NME9: variants seen among roughly 807,000 people sequenced by gnomAD.
NME9 encodes the protein NME/NM23 family member 9.
In NME9, 48 loss-of-function variants were observed where a neutral mutation model predicts 44.4. The ratio of observed to expected loss-of-function variants is 1.08; its 90% CI spans 0.86 to 1.37. NME9 has a LOEUF of 1.37. Among genes scored for constraint, NME9 ranks in the 40% most tolerant of loss-of-function variants. The pLI is 0.00. For missense variants in NME9, 325 were observed against 405.2 expected (o/e 0.80, Z 1.70); for synonymous variants, 139 against 147.1 (o/e 0.94, Z 0.40).
rs1450332897 is a variant in NME9, at chr3:138,301,237, C to T, written c.*403G>A. On this transcript the variant is annotated 3_prime_UTR_variant, in exon 11 of 11. Transcript: ENST00000333911. Reference sequence around the variant, plus strand: ...TTATTATTATTAAGATGGAGTCTCACTCTGTCACCCAGGCTGGAGTGCAGT... The same window carrying T: ...TTATTATTATTAAGATGGAGTCTCATTCTGTCACCCAGGCTGGAGTGCAGT... 1.7e-6 allele frequency: 1 copy of T among 580,814 alleles called. No individual in the cohort carries two copies. The highest frequency in any genetic ancestry group is 5.9e-5 in the Admixed American group (1 of 17,086). The allele number at this position is 580,814 out of a possible 1,614,324, so 36.0% of individuals were successfully genotyped here.
chr3:138,324,226 G>A (rs2053637578), intron 2 of NME9: 1 of 324,560 alleles, frequency 3.1e-6, no homozygotes, highest in Non-Finnish European at 6.1e-6. Flanking sequence ...TCTGCCAACA[G>A]CCACACAAAA....
chr3:138,311,181 A>C (rs1239569781), intron 6 of NME9, among the ~76,000 whole-genome samples: 1 of 152,208 alleles, frequency 6.6e-6, no homozygotes, highest in African/African-American at 2.4e-5. Flanking sequence ...CAGTCTACCA[A>C]GATTGAACCA....
chr3:138,312,553 T>C (rs2052773432), intron 6 of NME9, among the ~76,000 whole-genome samples: 1 of 152,192 alleles, frequency 6.6e-6, no homozygotes, highest in South Asian at 2.1e-4. Context: ...AATAACCATA[T>C]GCAGAAGAAT....
intron 6 of NME9, among the ~76,000 whole-genome samples, chr3:138,313,220 G>A (rs970731769): frequency 1.3e-5 from 2 of 152,134 alleles, no homozygotes; most frequent in Admixed American, 1.3e-4. Flanking sequence ...GCGAAATCCA[G>A]TCTCTACTAA....
intron 8 of NME9, chr3:138,264,093 T>C (rs2048019504): frequency 3.2e-6 from 5 of 1,575,518 alleles, no homozygotes; most frequent in Non-Finnish European, 4.4e-6. Context: ...GTAAAAGTTT[T>C]GATTTCTTGT....
intron 8 of NME9, among the ~76,000 whole-genome samples, chr3:138,292,611 G>T (rs892214943): frequency 8.5e-5 from 13 of 152,172 alleles, no homozygotes; most frequent in Non-Finnish European, 1.5e-4. Flanking sequence ...TGGACAGAGG[G>T]TGTTGCCATA....
intron 2 of NME9, 141 bp downstream of exon 2, chr3:138,324,732 A>AT: frequency 8.1e-6 from 5 of 618,990 alleles, no homozygotes; most frequent in South Asian, 3.7e-5. Context: ...ACACACACAC[A>AT]CACACACATC....
At chr3:138,309,736 G>GAA (rs113533378) in intron 6 of NME9, among the ~76,000 whole-genome samples, 49 of 145,754 alleles carry the variant, frequency 3.4e-4, no homozygotes, top group African/African-American at 1.2e-3. Flanking sequence ...TGTCTCAAAA[G>GAA]AAAAAAAAAA....
chr3:138,274,180 T>C (rs979650906), intron 8 of NME9, among the ~76,000 whole-genome samples: 9 of 152,084 alleles, frequency 5.9e-5, no homozygotes, highest in African/African-American at 2.2e-4. Flanking sequence ...TGCTTTCATA[T>C]TCTGTCAGGT....
intron 2 of NME9, among the ~76,000 whole-genome samples, chr3:138,323,420 G>A (rs2053588870): frequency 6.6e-6 from 1 of 152,094 alleles, no homozygotes; most frequent in Non-Finnish European, 1.5e-5. Context: ...AAAAGAAGAA[G>A]AAGAAAAAGC....
chr3:138,278,166 A>G (rs1228811392), intron 8 of NME9, among the ~76,000 whole-genome samples: 2 of 152,186 alleles, frequency 1.3e-5, no homozygotes, highest in Non-Finnish European at 2.9e-5. Flanking sequence ...GCAGTGATAG[A>G]ACTGCTCTGT....
intron 8 of NME9, among the ~76,000 whole-genome samples, chr3:138,290,070 T>A (rs1295666582): frequency 2.6e-5 from 4 of 151,978 alleles, no homozygotes; most frequent in Admixed American, 6.6e-5. Flanking sequence ...TGATATGAAA[T>A]TGGAAGTGCC....
intron 3 of NME9, 140 bp from the exon 4 acceptor site, chr3:138,318,359 C>G: frequency 1.5e-6 from 1 of 672,516 alleles, no homozygotes; most frequent in South Asian, 1.7e-5. Context: ...TCATGCTGTT[C>G]CTGCTAATCA....
chr3:138,329,699 A>T lies in NME9; in HGVS notation c.-364T>A. 13 of 1,106,038 alleles carry T rather than the reference A, an allele frequency of 1.2e-5. No homozygotes were observed. Among genetic ancestry groups the T allele is most frequent in the East Asian group, 1.3e-4 (2 of 15,844 alleles). The allele number at this position is 1,106,038 out of a possible 1,614,324, so 68.5% of individuals were successfully genotyped here. The stretch of plus-strand genomic sequence containing the variant: ...CGGGCACAGGGTCGCCAGTCGAGGA[A>T]TTCTGACAAAAAAACGACATGGGAC... On this transcript the variant is annotated 5_prime_UTR_variant, in exon 1 of 11. Transcript: ENST00000333911.
intron 8 of NME9, among the ~76,000 whole-genome samples, chr3:138,271,090 T>G (rs1311991883): frequency 2.6e-5 from 4 of 152,166 alleles, no homozygotes; most frequent in Non-Finnish European, 5.9e-5. Context: ...AAGCCTGTAT[T>G]CTCCCTGTTC....
At chr3:138,311,975 A>T (rs2052735150) in intron 6 of NME9, among the ~76,000 whole-genome samples, 1 of 152,218 alleles carries the variant, frequency 6.6e-6, no homozygotes, top group Non-Finnish European at 1.5e-5. Flanking sequence ...ACAGCAAACA[A>T]TCTGAAAAAG....
At chr3:138,271,439 C>G (rs2048776475) in intron 8 of NME9, among the ~76,000 whole-genome samples, 1 of 152,214 alleles carries the variant, frequency 6.6e-6, no homozygotes, top group African/African-American at 2.4e-5. Flanking sequence ...TAACTGTTAC[C>G]TGTTTCCCAC....
intron 8 of NME9, among the ~76,000 whole-genome samples, chr3:138,266,059 A>G (rs900935304): frequency 1.3e-5 from 2 of 152,242 alleles, no homozygotes; most frequent in East Asian, 3.8e-4. Context: ...GAGGCCTATC[A>G]GAACAGTATG....
chr3:138,303,161 C>T, intron 10 of NME9: 1 of 218,488 alleles, frequency 4.6e-6, no homozygotes, highest in South Asian at 8.0e-5. Context: ...CAGGTCTGGC[C>T]TCTGACTGGC....
Sources: gnomAD v4.1 joint callset for allele counts (sites outside exome capture counted in the v4.1 genomes callset) on GRCh38, gnomAD v4.1.1 for gene constraint, MANE v1.5 for transcripts, NCBI Gene and HGNC (gene_info 2026-07-23, HGNC 2026-07-21) for gene names.